The following DOCK4 variants were observed in gnomAD, a reference collection of about 807,000 sequenced individuals.
The protein encoded by DOCK4 is dedicator of cytokinesis protein 4.
DOCK4 carries 97 observed loss-of-function variants against 268.1 expected under a neutral mutation model. The ratio of observed to expected loss-of-function variants is 0.36; its 90% CI spans 0.31 to 0.43. DOCK4 has a LOEUF of 0.43. DOCK4 is among the 20% of genes least tolerant of loss of function. DOCK4 has a pLI of 1.00. For missense variants in DOCK4, 2,145 were observed against 2,455.7 expected, an observed-to-expected ratio of 0.87 and a Z score of 2.67; for synonymous variants, 954 against 887.2, an observed-to-expected ratio of 1.08 and a Z score of -1.34.
chr7:111,792,309 G>A (rs1799603119), intron 30 of DOCK4, among the ~76,000 whole-genome samples: 1 of 152,238 alleles, frequency 6.6e-6, no homozygotes, highest in Non-Finnish European at 1.5e-5. Context: ...GCTTCATAAA[G>A]GAAGGTAATT....
At position 111,851,239 on chromosome 7, in the gene DOCK4, T is replaced by C. The variant is rs182339267; in HGVS notation, c.2474-4113A>G. ...ACGGGTGGATCACGAGGTCAGGAGA[T>C]TGAGCCCATGCTGGCTAACACAATG... On this transcript the variant is annotated intron_variant, in intron 23 of 52. Transcript: ENST00000428084. 5.8e-3 allele frequency among the ~76,000 whole-genome samples: 879 copies of C among 152,114 alleles called. 6 individuals are homozygous for C. Among genetic ancestry groups the C allele is most frequent in the Non-Finnish European group, 9.4e-3 (637 of 67,990 alleles).
intron 39 of DOCK4, 30 bp from the exon 40 acceptor site, chr7:111,760,352 G>T: frequency 1.2e-6 from 2 of 1,603,510 alleles, no homozygotes; most frequent in Non-Finnish European, 1.7e-6. Flanking sequence ...AGAAATTAGG[G>T]CTATATAACT....
Position 111,728,343 on chromosome 7 carries a change from C to A in DOCK4, c.5859G>T (p.Glu1953Asp). The change falls in exon 53 of 53, where the codon GAG (glutamate) becomes GAT (aspartate). Residue 1953 changes from glutamate (E) to aspartate (D), a missense_variant. Coordinates refer to ENST00000428084, the MANE Select transcript of DOCK4 (RefSeq NM_001363540.2). The part of the protein sequence containing the change: ...KPLAARSSHL[E>D]NGARRTDPGP... Reference sequence around the variant, plus strand: ...CGGGGTCAGTCCTCCGGGCCCCATTCTCCAGGTGGCTGGATCGCGCTGCCA... The same window carrying A: ...CGGGGTCAGTCCTCCGGGCCCCATTATCCAGGTGGCTGGATCGCGCTGCCA... 6.6e-7 allele frequency: 1 copy of A among 1,520,932 alleles called. No homozygotes were observed. The highest frequency in any genetic ancestry group is 8.8e-7 in the Non-Finnish European group (1 of 1,136,830). The allele number at this position is 1,520,932 out of a possible 1,614,324, so 94.2% of individuals were successfully genotyped here.
intron 25 of DOCK4, among the ~76,000 whole-genome samples, chr7:111,835,826 G>A (rs1803194702): frequency 1.3e-5 from 2 of 152,138 alleles, no homozygotes; most frequent in East Asian, 3.9e-4. Context: ...TGCCATGGGA[G>A]ACCCAAGGAT....
chr7:111,950,089 G>A (rs966764042), intron 8 of DOCK4, among the ~76,000 whole-genome samples: 1 of 152,116 alleles, frequency 6.6e-6, no homozygotes, highest in African/African-American at 2.4e-5. Flanking sequence ...ACCCCACTCA[G>A]CTAATTTTTA....
chr7:111,954,779 G>A (rs1475309593), intron 8 of DOCK4, among the ~76,000 whole-genome samples: 1 of 146,962 alleles, frequency 6.8e-6, no homozygotes, highest in Non-Finnish European at 1.5e-5. Flanking sequence ...GCACCCAGGC[G>A]CTCATTAAAA....
chr7:112,191,695 C>G (rs1442994403), intron 1 of DOCK4, among the ~76,000 whole-genome samples: 2 of 152,084 alleles, frequency 1.3e-5, no homozygotes, highest in Non-Finnish European at 2.9e-5. Flanking sequence ...GAAGGGACCA[C>G]ATGCTTCAGG....
chr7:111,734,546 C>A (rs541499725), intron 51 of DOCK4, among the ~76,000 whole-genome samples: 1 of 152,092 alleles, frequency 6.6e-6, no homozygotes, highest in Non-Finnish European at 1.5e-5. Context: ...CAACCCTTTG[C>A]GAAATATAGT....
chr7:111,929,523 T>A (rs1354625841), intron 12 of DOCK4, among the ~76,000 whole-genome samples: 1 of 152,182 alleles, frequency 6.6e-6, no homozygotes, highest in Non-Finnish European at 1.5e-5. Flanking sequence ...AAATACAATG[T>A]TCAAAAATCA....
intron 1 of DOCK4, among the ~76,000 whole-genome samples, chr7:112,062,525 G>A (rs1253786628): frequency 6.6e-6 from 1 of 152,146 alleles, no homozygotes; most frequent in Non-Finnish European, 1.5e-5. Flanking sequence ...CCATCAAGAT[G>A]TGCTAATATA....
chr7:111,926,909 G>T (rs1472232081), intron 12 of DOCK4, among the ~76,000 whole-genome samples: 1 of 150,410 alleles, frequency 6.6e-6, no homozygotes, highest in Non-Finnish European at 1.5e-5. Context: ...AAGGAAGAAA[G>T]AAAAAAAGAA....
chr7:111,768,589 A>AT (rs1264127761), intron 37 of DOCK4, among the ~76,000 whole-genome samples: 1 of 148,506 alleles, frequency 6.7e-6, no homozygotes, highest in African/African-American at 2.6e-5. Flanking sequence ...AGATTCATGA[A>AT]TTTTTTAAAA....
chr7:112,179,432 T>C (rs1399751057), intron 1 of DOCK4, among the ~76,000 whole-genome samples: 1 of 151,428 alleles, frequency 6.6e-6, no homozygotes, highest in Non-Finnish European at 1.5e-5. Flanking sequence ...AACTCTCTAG[T>C]AGCATTGCCT....
At chr7:111,944,347 A>G (rs1239994308) in intron 10 of DOCK4, among the ~76,000 whole-genome samples, 1 of 151,062 alleles carries the variant, frequency 6.6e-6, no homozygotes, top group Non-Finnish European at 1.5e-5. Context: ...AAAATTCAGT[A>G]TTCAGTATTT....
At chr7:111,944,268 G>A (rs1026273203) in intron 10 of DOCK4, among the ~76,000 whole-genome samples, 4 of 152,172 alleles carry the variant, frequency 2.6e-5, no homozygotes, top group Non-Finnish European at 5.9e-5. Context: ...AAGTTAGACA[G>A]GCATATTTAT....
At chr7:112,054,941 A>C (rs1346682260) in intron 1 of DOCK4, among the ~76,000 whole-genome samples, 1 of 152,242 alleles carries the variant, frequency 6.6e-6, no homozygotes, top group African/African-American at 2.4e-5. Context: ...AATAAAGGTA[A>C]GAAAGCAAGG....
At chr7:112,032,361 G>C (rs944716227) in intron 1 of DOCK4, among the ~76,000 whole-genome samples, 2 of 152,174 alleles carry the variant, frequency 1.3e-5, no homozygotes, top group Non-Finnish European at 2.9e-5. Flanking sequence ...GCAATCCGAA[G>C]TGCATGGCTA....
At chr7:112,093,266 T>A (rs1486962046) in intron 1 of DOCK4, among the ~76,000 whole-genome samples, 1 of 152,144 alleles carries the variant, frequency 6.6e-6, no homozygotes. Context: ...ATGCCCACAT[T>A]CCCACCTCCC....
intron 1 of DOCK4, among the ~76,000 whole-genome samples, chr7:112,175,593 T>G (rs1218786565): frequency 6.9e-6 from 1 of 145,276 alleles, no homozygotes; most frequent in African/African-American, 2.8e-5. Context: ...GCCATAAAAC[T>G]CTCATATTTT....
Sources: gnomAD v4.1 joint callset for allele counts (sites outside exome capture counted in the v4.1 genomes callset) on GRCh38, gnomAD v4.1.1 for gene constraint, MANE v1.5 for transcripts, NCBI Gene and HGNC (gene_info 2026-07-23, HGNC 2026-07-21) for gene names.